R3HCC1L: variants seen among roughly 807,000 people sequenced by gnomAD.
The protein encoded by R3HCC1L is R3H domain and coiled-coil containing 1 like, also known as coiled-coil domain-containing protein R3HCC1L.
Under a neutral mutation model 59.9 loss-of-function variants are expected in R3HCC1L, and 51 were observed. That is an observed-to-expected ratio of 0.85 (90% CI 0.68 to 1.07). R3HCC1L has a LOEUF of 1.07. Among genes scored for constraint, R3HCC1L ranks in the 50% least tolerant of loss-of-function variants. The pLI is 0.00. For synonymous variants in R3HCC1L, 322 were observed against 315.2 expected, an observed-to-expected ratio of 1.02 and a Z score of -0.23; for missense variants, 965 against 933.0, an observed-to-expected ratio of 1.03 and a Z score of -0.45.
At chr10:98,170,855 A>C (rs1848446895) in intron 4 of R3HCC1L, among the ~76,000 whole-genome samples, 1 of 152,196 alleles carries the variant, frequency 6.6e-6, no homozygotes, top group South Asian at 2.1e-4. Flanking sequence ...TTATCTTTCT[A>C]AAACTTTCTG....
In R3HCC1L at chr10:98,244,431, G is replaced by C; in HGVS notation, c.*273G>C. The C allele has an allele frequency of 2.9e-6, 1 of 343,922 alleles. No individual in the cohort carries two copies. Among genetic ancestry groups the C allele is most frequent in the Non-Finnish European group, 5.5e-6 (1 of 181,762 alleles). 21.3% of individuals were successfully genotyped at this position (343,922 alleles called of 1,614,324 possible). A position where few individuals can be genotyped will look rare whatever the true frequency, so the allele number is the denominator to read the frequency against. On this transcript the variant is annotated 3_prime_UTR_variant, in exon 10 of 10. Coordinates refer to ENST00000298999, the MANE Select transcript of R3HCC1L (RefSeq NM_001351015.2). Reference sequence around the variant, plus strand: ...AGATGTGAATTCCAAGAGTTGCCTGGACAGGGCAAGTCATGTTAGCGTGGG... The same window carrying C: ...AGATGTGAATTCCAAGAGTTGCCTGCACAGGGCAAGTCATGTTAGCGTGGG...
At chr10:98,156,170 T>C (rs1367955563) in intron 2 of R3HCC1L, 23 bp downstream of exon 2, 1 of 152,122 alleles carries the variant, frequency 6.6e-6, no homozygotes, top group Non-Finnish European at 1.5e-5. Flanking sequence ...CTTGTTGTTA[T>C]CCTTAGATTT....
Position 98,209,502 on chromosome 10 carries a change from TAGAG to T in R3HCC1L, c.1391_1394del (p.Glu464AlafsTer11), listed in dbSNP as rs1310849557. The T allele has an allele frequency of 5.0e-6, 8 of 1,613,696 alleles. No individual in the cohort carries two copies. Among genetic ancestry groups the T allele is most frequent in the Admixed American group, 1.7e-5 (1 of 59,968 alleles). ...TTTACAGAGTCAACAGGAAAGTTGA[TAGAG>T]AGCTTGTCAGATTGTGCTTCCTCCT... On this transcript the variant is annotated frameshift_variant, in exon 5 of 10. Coordinates refer to ENST00000298999, the MANE Select transcript of R3HCC1L (RefSeq NM_001351015.2). LOFTEE classifies it high-confidence loss of function.
chr10:98,220,926 C>T (rs1264251107), intron 5 of R3HCC1L, among the ~76,000 whole-genome samples: 3 of 143,276 alleles, frequency 2.1e-5, no homozygotes, highest in South Asian at 2.4e-4. Flanking sequence ...ATGGTATTTC[C>T]AGTTCTAGAT....
intron 4 of R3HCC1L, among the ~76,000 whole-genome samples, chr10:98,171,508 C>T (rs765596544): frequency 2.0e-5 from 3 of 152,068 alleles, no homozygotes; most frequent in Non-Finnish European, 4.4e-5. Context: ...ACTGCTCCAC[C>T]GTGGCATTTT....
intron 4 of R3HCC1L, among the ~76,000 whole-genome samples, chr10:98,166,140 G>A (rs886963574): frequency 1.3e-5 from 2 of 152,188 alleles, no homozygotes; most frequent in Admixed American, 6.5e-5. Context: ...TTGCACTGCA[G>A]TCTGGGCAGC....
At chr10:98,163,681 T>G (rs1031645767) in intron 4 of R3HCC1L, among the ~76,000 whole-genome samples, 2 of 152,202 alleles carry the variant, frequency 1.3e-5, no homozygotes, top group African/African-American at 4.8e-5. Flanking sequence ...TTGCTCTGTC[T>G]CTTTCCACTG....
At chr10:98,239,412 T>C (rs2135742053) in intron 9 of R3HCC1L, among the ~76,000 whole-genome samples, 1 of 152,302 alleles carries the variant, frequency 6.6e-6, no homozygotes, top group East Asian at 1.9e-4. Context: ...TGTTATAATA[T>C]GGTATAATAA....
At chr10:98,211,428 C>T in intron 5 of R3HCC1L, 1 of 1,429,426 alleles carries the variant, frequency 7.0e-7, no homozygotes, top group Non-Finnish European at 9.2e-7. Context: ...AAATACTGTT[C>T]AGTAGAGGTT....
At chr10:98,155,591 T>C (rs1846767862) in intron 1 of R3HCC1L, among the ~76,000 whole-genome samples, 1 of 152,074 alleles carries the variant, frequency 6.6e-6, no homozygotes, top group Non-Finnish European at 1.5e-5. Flanking sequence ...ATGTAGAGTT[T>C]AAAATAAACA....
At chr10:98,239,156 T>C (rs539864558) in intron 9 of R3HCC1L, among the ~76,000 whole-genome samples, 12 of 152,348 alleles carry the variant, frequency 7.9e-5, no homozygotes, top group African/African-American at 2.9e-4. Context: ...AGTTAACATA[T>C]GTAAAAATGT....
chr10:98,231,668 CG>C lies in R3HCC1L; in HGVS notation c.1945del (p.Val649PhefsTer21). 6.2e-7 allele frequency: 1 copy of C among 1,610,296 alleles called. No homozygotes were observed. Among genetic ancestry groups the C allele is most frequent in the South Asian group, 1.1e-5 (1 of 90,606 alleles). ...AGAATTTCATACTGAAGACCTTCTA[CG>C]GGTTTTCTGCAGTTATCAGTGAGTA... is the stretch of plus-strand genomic sequence containing the variant. ...PQEFHTEDLL[R>X]VFCSYQKKGF... On this transcript the variant is annotated frameshift_variant, in exon 6 of 10. Coordinates refer to ENST00000298999, the MANE Select transcript of R3HCC1L (RefSeq NM_001351015.2). LOFTEE classifies it high-confidence loss of function.
At chr10:98,238,723 G>GTT (rs1245525121) in intron 9 of R3HCC1L, among the ~76,000 whole-genome samples, 1 of 151,968 alleles carries the variant, frequency 6.6e-6, no homozygotes, top group Non-Finnish European at 1.5e-5. Flanking sequence ...GACTTTTGCA[G>GTT]TTATTGACAT....
chr10:98,205,683 T>C (rs184815417), intron 4 of R3HCC1L, among the ~76,000 whole-genome samples: 2 of 152,284 alleles, frequency 1.3e-5, no homozygotes, highest in East Asian at 3.9e-4. Context: ...AATATAAATT[T>C]ATTATACTGA....
intron 5 of R3HCC1L, among the ~76,000 whole-genome samples, chr10:98,217,078 C>CCTT: frequency 6.6e-6 from 1 of 152,242 alleles, no homozygotes; most frequent in East Asian, 1.9e-4. Flanking sequence ...GAAACTCCAT[C>CCTT]CTTCTTTTCC....
At position 98,209,130 on chromosome 10, in the gene R3HCC1L, C is replaced by T. The variant is rs771305543; in HGVS notation, c.1016C>T (p.Thr339Ile). 3 of 1,613,928 alleles carry T rather than the reference C, an allele frequency of 1.9e-6. No homozygotes were observed. Among genetic ancestry groups the T allele is most frequent in the Non-Finnish European group, 2.5e-6 (3 of 1,180,008 alleles). Residue 339 changes from threonine (T) to isoleucine (I), a missense_variant, in exon 5 of 10, where the codon ACT (threonine) becomes ATT (isoleucine). By Grantham distance (89) the Thr-to-Ile change is moderately conservative. Coordinates refer to ENST00000298999, the MANE Select transcript of R3HCC1L (RefSeq NM_001351015.2). ...AGAGAATGTGAGAAGAATGACAGCA[C>T]TGCTGATGAGTTACATGTAAAGCAC... ...MIRECEKNDSTADELHVKHEP... is the reference protein window; with the variant it reads ...MIRECEKNDSIADELHVKHEP...
At chr10:98,175,740 T>A (rs189459227) in intron 4 of R3HCC1L, among the ~76,000 whole-genome samples, 2 of 152,316 alleles carry the variant, frequency 1.3e-5, no homozygotes, top group East Asian at 3.9e-4. Flanking sequence ...TTTAAAATTC[T>A]CTTACATGTC....
At position 98,171,533 on chromosome 10, in the gene R3HCC1L, C is replaced by G. The variant is rs181945176; in HGVS notation, c.-15+8136C>G. ...CGTGGCATTTTTTTGGCCCCATAAA[C>G]AAATACAAACTAATTCTCTGTGAAT... is the stretch of plus-strand genomic sequence containing the variant. On this transcript the variant is annotated intron_variant, in intron 4 of 9. Transcript: ENST00000298999. 2.3e-4 allele frequency among the ~76,000 whole-genome samples: 35 copies of G among 152,134 alleles called. 1 individual carries two copies. The South Asian group carries it at 4.8e-3, about 21-fold the overall frequency.
Position 98,208,691 on chromosome 10 carries a change from CCT to C in R3HCC1L, c.578_579del (p.Pro193ArgfsTer6). 1 of 1,614,052 alleles carries C rather than the reference CCT, an allele frequency of 6.2e-7. No individual in the cohort carries two copies. The highest frequency in any genetic ancestry group is 8.5e-7 in the Non-Finnish European group (1 of 1,180,008). ...ATTCTGTGACTTCAGTAGGCATGAA[CCT>C]GATGGGGAAGCATTTGAAGACAAAG... ...VEFCDFSRHEPDGEAFEDKDL... is the reference protein window; with the variant it reads ...VEFCDFSRHEXDGEAFEDKDL... On this transcript the variant is annotated frameshift_variant, in exon 5 of 10. Transcript: ENST00000298999. LOFTEE classifies it high-confidence loss of function.
Sources: allele counts gnomAD v4.1 joint callset (sites outside exome capture counted in the v4.1 genomes callset), GRCh38; gene constraint gnomAD v4.1.1; transcripts MANE v1.5; gene names NCBI Gene and HGNC (gene_info 2026-07-23, HGNC 2026-07-21).